FNBP1L: variants seen among roughly 807,000 people sequenced by gnomAD.
FNBP1L encodes formin binding protein 1 like.
FNBP1L carries 36 observed loss-of-function variants against 91.2 expected under a neutral mutation model. That is an observed-to-expected ratio of 0.39 (90% CI 0.30 to 0.52). The LOEUF is 0.52. FNBP1L is among the 20% of genes least tolerant of loss of function. The probability of loss-of-function intolerance (pLI) is 0.66; values close to 1 mark genes in which losing one functional copy is unlikely to be tolerated. For missense variants in FNBP1L, 571 were observed against 732.1 expected, an observed-to-expected ratio of 0.78 and a Z score of 2.54; for synonymous variants, 242 against 237.0, an observed-to-expected ratio of 1.02 and a Z score of -0.19.
chr1:93,535,067 G>A (rs1671800965), intron 9 of FNBP1L, among the ~76,000 whole-genome samples, 159 bp downstream of exon 9: 1 of 152,082 alleles, frequency 6.6e-6, no homozygotes, highest in Admixed American at 6.6e-5. Context: ...TACCTTAACA[G>A]TAACAGTTAT....
intron 5 of FNBP1L, among the ~76,000 whole-genome samples, chr1:93,529,227 A>AT (rs1387092347): frequency 2.0e-5 from 3 of 152,022 alleles, no homozygotes; most frequent in Non-Finnish European, 4.4e-5. Context: ...TAAAACACAC[A>AT]TTTTTTGAGT....
intron 5 of FNBP1L, among the ~76,000 whole-genome samples, chr1:93,524,531 A>G (rs1012729379): frequency 6.0e-5 from 9 of 149,084 alleles, no homozygotes; most frequent in Non-Finnish European, 1.2e-4. Flanking sequence ...TTATAACTCT[A>G]TACTTAAGAA....
intron 1 of FNBP1L, among the ~76,000 whole-genome samples, chr1:93,453,237 C>T (rs1019370644): frequency 3.3e-5 from 5 of 152,074 alleles, no homozygotes; most frequent in East Asian, 1.9e-4. Context: ...GTATTACAGA[C>T]GTTATTGCTA....
At chr1:93,497,980 ACT>A (rs1670324160) in intron 1 of FNBP1L, among the ~76,000 whole-genome samples, 1 of 151,554 alleles carries the variant, frequency 6.6e-6, no homozygotes, top group Non-Finnish European at 1.5e-5. Flanking sequence ...AAAAAAAAAA[ACT>A]GTTTAAAAAT....
chr1:93,485,265 A>G (rs1669860946), intron 1 of FNBP1L, among the ~76,000 whole-genome samples: 1 of 152,216 alleles, frequency 6.6e-6, no homozygotes, highest in East Asian at 1.9e-4. Context: ...CTACACAGAT[A>G]GAGCTTACTT....
At chr1:93,482,064 G>A (rs1669725827) in intron 1 of FNBP1L, among the ~76,000 whole-genome samples, 1 of 152,118 alleles carries the variant, frequency 6.6e-6, no homozygotes, top group South Asian at 2.1e-4. Context: ...GGGGGCTGAG[G>A]TGGGAGGAGG....
intron 15 of FNBP1L, among the ~76,000 whole-genome samples, chr1:93,550,000 C>T (rs529399926): frequency 1.3e-5 from 2 of 152,270 alleles, no homozygotes; most frequent in African/African-American, 4.8e-5. Context: ...CCTTCTCCTG[C>T]AGATTTTTAG....
chr1:93,448,601 G>T (rs895556671), intron 1 of FNBP1L, among the ~76,000 whole-genome samples: 1 of 152,128 alleles, frequency 6.6e-6, no homozygotes, highest in Admixed American at 6.5e-5. Context: ...ATCCCCTCTT[G>T]TTCCTTCTCC....
At chr1:93,513,900 G>C (rs1557802652) in intron 2 of FNBP1L, among the ~76,000 whole-genome samples, 1 of 152,174 alleles carries the variant, frequency 6.6e-6, no homozygotes, top group Non-Finnish European at 1.5e-5. Context: ...TTTCAACATA[G>C]TGTTGGAAGT....
chr1:93,514,612 C>G (rs1216273674), intron 2 of FNBP1L, among the ~76,000 whole-genome samples: 1 of 152,132 alleles, frequency 6.6e-6, no homozygotes, highest in South Asian at 2.1e-4. Flanking sequence ...GAAATAACGC[C>G]GCATGTCTAC....
chr1:93,524,448 G>A (rs1671432426), intron 5 of FNBP1L, 125 bp downstream of exon 5: 1 of 626,818 alleles, frequency 1.6e-6, no homozygotes, highest in African/African-American at 1.9e-5. Flanking sequence ...TTTGACATTG[G>A]TATTATTGTA....
At chr1:93,477,426 G>T (rs1669536203) in intron 1 of FNBP1L, among the ~76,000 whole-genome samples, 1 of 152,174 alleles carries the variant, frequency 6.6e-6, no homozygotes, top group South Asian at 2.1e-4. Context: ...ATTTAGATTT[G>T]TGTTACCACC....
intron 5 of FNBP1L, among the ~76,000 whole-genome samples, chr1:93,529,312 T>A (rs1671595675): frequency 6.6e-6 from 1 of 152,138 alleles, no homozygotes; most frequent in Admixed American, 6.5e-5. Flanking sequence ...TGTCTGATAT[T>A]TAAGGAACGT....
At position 93,552,846 on chromosome 1, in the gene FNBP1L, G is replaced by C. The variant is rs566176919; in HGVS notation, c.*430G>C. 1.2e-5 allele frequency: 2 copies of C among 160,228 alleles called. No individual in the cohort carries two copies. The highest frequency in any genetic ancestry group is 6.5e-5 in the Admixed American group (1 of 15,494). The allele number at this position is 160,228 out of a possible 1,614,324, so 9.9% of individuals were successfully genotyped here. On this transcript the variant is annotated 3_prime_UTR_variant, in exon 17 of 17. Coordinates refer to ENST00000271234, the MANE Select transcript of FNBP1L (RefSeq NM_001164473.3). ...GTCAGTGTCTGCCTGCGCCACCTCCGTGCTTGCTTAACATCCTGTTGCATG... is the reference window on the plus strand; with the variant it reads ...GTCAGTGTCTGCCTGCGCCACCTCCCTGCTTGCTTAACATCCTGTTGCATG...
intron 2 of FNBP1L, among the ~76,000 whole-genome samples, chr1:93,507,099 ACACACACACTCTCTCT>A (rs1263185215): frequency 2.1e-3 from 137 of 66,326 alleles, no homozygotes; most frequent in East Asian, 0.013. Flanking sequence ...ACACACACAC[ACACACACACTCTCTCT>A]CTCTCTCTCT....
At chr1:93,479,741 A>G (rs1329539172) in intron 1 of FNBP1L, among the ~76,000 whole-genome samples, 4 of 152,082 alleles carry the variant, frequency 2.6e-5, no homozygotes, top group Non-Finnish European at 4.4e-5. Flanking sequence ...ATTCTGCCCA[A>G]CCCCGCAGGC....
At chr1:93,514,499 A>C (rs1239626319) in intron 2 of FNBP1L, among the ~76,000 whole-genome samples, 2 of 151,908 alleles carry the variant, frequency 1.3e-5, no homozygotes, top group Non-Finnish European at 2.9e-5. Context: ...GAGGCATCAC[A>C]CTACCTGACT....
intron 1 of FNBP1L, among the ~76,000 whole-genome samples, chr1:93,458,431 A>G (rs749781025): frequency 1.4e-4 from 22 of 152,230 alleles, no homozygotes; most frequent in Non-Finnish European, 3.1e-4. Flanking sequence ...TGCCCAGCCC[A>G]GAAGAATGAA....
At chr1:93,475,795 T>G (rs1669473975) in intron 1 of FNBP1L, among the ~76,000 whole-genome samples, 2 of 152,160 alleles carry the variant, frequency 1.3e-5, no homozygotes, top group African/African-American at 2.4e-5. Flanking sequence ...ATTAACAGCT[T>G]TAAGTATTTG....
Sources: allele counts gnomAD v4.1 joint callset (sites outside exome capture counted in the v4.1 genomes callset), GRCh38; gene constraint gnomAD v4.1.1; transcripts MANE v1.5; gene names NCBI Gene and HGNC (gene_info 2026-07-23, HGNC 2026-07-21).